Variants in ZNF532 observed in about 807,000 individuals in gnomAD.
ZNF532 encodes the protein zinc finger protein 532.
Under a neutral mutation model 89.3 loss-of-function variants are expected in ZNF532, and 22 were observed. The observed-to-expected ratio is 0.25, with a 90% CI of 0.18 to 0.35. The LOEUF is 0.35. ZNF532 is among the 10% of genes least tolerant of loss of function. The pLI is 1.00. For synonymous variants in ZNF532, 606 were observed against 649.6 expected (o/e 0.93, Z 1.02); for missense variants, 1,132 against 1,643.4 (o/e 0.69, Z 5.38).
At chr18:58,910,732 C>T (rs571732258) in intron 2 of ZNF532, among the ~76,000 whole-genome samples, 60 of 152,282 alleles carry the variant, frequency 3.9e-4, no homozygotes, top group African/African-American at 1.4e-3. Flanking sequence ...GCCTCAGCCT[C>T]CCAAAGTGCT....
chr18:58,888,810 AAAAAT>A (rs1475760739), intron 2 of ZNF532, among the ~76,000 whole-genome samples: 1 of 11,760 alleles, frequency 8.5e-5, no homozygotes, highest in African/African-American at 3.4e-4. Flanking sequence ...TATATATATA[AAAAAT>A]TATATATATA....
chr18:58,941,267 CT>C (rs1415164055), intron 5 of ZNF532, among the ~76,000 whole-genome samples: 2 of 151,988 alleles, frequency 1.3e-5, no homozygotes, highest in Non-Finnish European at 2.9e-5. Context: ...GCCTTTCCCC[CT>C]GGGATGAATA....
rs2060561636 is a variant in ZNF532, at chr18:58,915,807, TCCCA to T, written c.-17-2458_-17-2455del. On this transcript the variant is annotated intron_variant, in intron 2 of 9. Coordinates refer to ENST00000591808, the MANE Select transcript of ZNF532 (RefSeq NM_001375912.1). ...TTCATGTGGTTGTATGTTCTGGGCCTCCCACCCACTGAGTATTTGAATTATCTCT... is the reference window on the plus strand; with the variant it reads ...TTCATGTGGTTGTATGTTCTGGGCCTCCCACTGAGTATTTGAATTATCTCT... 1.3e-5 allele frequency among the ~76,000 whole-genome samples: 2 copies of T among 152,206 alleles called. 1 individual carries two copies. The highest frequency in any genetic ancestry group is 4.1e-4 in the South Asian group (2 of 4,830).
intron 7 of ZNF532, among the ~76,000 whole-genome samples, chr18:58,970,452 G>A (rs999238081): frequency 2.1e-4 from 32 of 152,190 alleles, no homozygotes; most frequent in Non-Finnish European, 4.0e-4. Context: ...TAGGACAGAT[G>A]CCTGCAAGTA....
chr18:58,948,540 CTG>C (rs2063861493), intron 6 of ZNF532, among the ~76,000 whole-genome samples: 2 of 147,418 alleles, frequency 1.4e-5, no homozygotes, highest in African/African-American at 2.5e-5. Flanking sequence ...AAAATGATGA[CTG>C]TGAAGTTTTC....
chr18:58,901,909 T>TC (rs2059627640), intron 2 of ZNF532, among the ~76,000 whole-genome samples: 1 of 152,112 alleles, frequency 6.6e-6, no homozygotes, highest in African/African-American at 2.4e-5. Flanking sequence ...CTGGCTTCCC[T>TC]CCCTGAGGCT....
intron 2 of ZNF532, among the ~76,000 whole-genome samples, chr18:58,891,399 G>A (rs1372908932): frequency 6.6e-6 from 1 of 152,158 alleles, no homozygotes; most frequent in Non-Finnish European, 1.5e-5. Context: ...GCATCATGGC[G>A]CATGCCTGTC....
At chr18:58,983,831 C>A in intron 9 of ZNF532, 141 bp from the exon 10 acceptor site, 1 of 1,018,328 alleles carries the variant, frequency 9.8e-7, no homozygotes, top group Non-Finnish European at 1.4e-6. Context: ...GGTGGGGTGG[C>A]AGACACAGCT....
chr18:58,880,932 T>A (rs2057872141), intron 2 of ZNF532, among the ~76,000 whole-genome samples: 1 of 152,154 alleles, frequency 6.6e-6, no homozygotes, highest in Non-Finnish European at 1.5e-5. Flanking sequence ...TTGATTTAGA[T>A]GGCTCAGAAT....
chr18:58,899,840 C>T (rs747736196), intron 2 of ZNF532, among the ~76,000 whole-genome samples: 1 of 152,072 alleles, frequency 6.6e-6, no homozygotes, highest in Non-Finnish European at 1.5e-5. Flanking sequence ...TCTCTTCTAT[C>T]GTCTGTCTTT....
chr18:58,894,764 A>G (rs144418103), intron 2 of ZNF532, among the ~76,000 whole-genome samples: 26 of 152,138 alleles, frequency 1.7e-4, no homozygotes, highest in Admixed American at 5.2e-4. Context: ...TACCCTGTCA[A>G]TTTTTCTAGA....
At chr18:58,947,437 T>C (rs2063761665) in intron 5 of ZNF532, among the ~76,000 whole-genome samples, 1 of 152,238 alleles carries the variant, frequency 6.6e-6, no homozygotes, top group Non-Finnish European at 1.5e-5. Flanking sequence ...AGGAGACAAG[T>C]GAATATTTTA....
At chr18:58,893,606 G>A (rs561746326) in intron 2 of ZNF532, among the ~76,000 whole-genome samples, 9 of 147,578 alleles carry the variant, frequency 6.1e-5, no homozygotes, top group Admixed American at 2.0e-4. Context: ...ACAGTGACTC[G>A]TTATCATGTC....
intron 6 of ZNF532, among the ~76,000 whole-genome samples, chr18:58,948,717 A>G (rs1009344720): frequency 2.0e-5 from 3 of 151,816 alleles, no homozygotes; most frequent in African/African-American, 7.3e-5. Flanking sequence ...ACAGGCGTGT[A>G]CCACCACACC....
intron 7 of ZNF532, among the ~76,000 whole-genome samples, chr18:58,974,913 T>C (rs975524060): frequency 6.6e-6 from 1 of 152,242 alleles, no homozygotes; most frequent in Non-Finnish European, 1.5e-5. Flanking sequence ...TTTCATTCGA[T>C]GTGTCACTGA....
intron 5 of ZNF532, among the ~76,000 whole-genome samples, chr18:58,942,365 T>C (rs190804293): frequency 0.11 from 8,273 of 76,886 alleles, 681 homozygotes; most frequent in East Asian, 0.29. Flanking sequence ...CTTCCTTCCT[T>C]CCTTCCTTCC....
At chr18:58,976,080 A>T (rs1176240260) in intron 7 of ZNF532, among the ~76,000 whole-genome samples, 1 of 152,244 alleles carries the variant, frequency 6.6e-6, no homozygotes, top group Non-Finnish European at 1.5e-5. Flanking sequence ...ATAAGTTTGT[A>T]TTTAAAATCT....
chr18:58,980,953 TA>T (rs2067694450), intron 8 of ZNF532: 1 of 155,542 alleles, frequency 6.4e-6, no homozygotes, highest in Admixed American at 6.3e-5. Flanking sequence ...GCCTGTTTTC[TA>T]AACTATCTTT....
intron 4 of ZNF532, among the ~76,000 whole-genome samples, chr18:58,934,912 T>C (rs2062247868): frequency 2.0e-5 from 3 of 152,194 alleles, no homozygotes; most frequent in Admixed American, 2.0e-4. Context: ...TAGCAGACTT[T>C]TGTTATCATA....
Sources: gnomAD v4.1 joint callset for allele counts (sites outside exome capture counted in the v4.1 genomes callset) on GRCh38, gnomAD v4.1.1 for gene constraint, MANE v1.5 for transcripts, NCBI Gene and HGNC (gene_info 2026-07-23, HGNC 2026-07-21) for gene names.